The following CARS2 variants were observed in gnomAD, a reference collection of about 807,000 sequenced individuals.
The protein encoded by CARS2 is cysteinyl-tRNA synthetase 2, mitochondrial, also known as probable cysteine--tRNA ligase, mitochondrial.
CARS2 carries 52 observed loss-of-function variants against 68.8 expected under a neutral mutation model. That is an observed-to-expected ratio of 0.76 (90% CI 0.61 to 0.95). The LOEUF (loss-of-function observed/expected upper bound fraction) is 0.95, where lower values mean the gene tolerates loss of function less well. Among genes scored for constraint, CARS2 ranks in the 40% least tolerant of loss-of-function variants. CARS2 has a pLI of 0.00. For missense variants in CARS2, 780 were observed against 754.2 expected, an observed-to-expected ratio of 1.03 and a Z score of -0.40; for synonymous variants, 314 against 303.6, an observed-to-expected ratio of 1.03 and a Z score of -0.36.
chr13:110,687,548 C>T (rs771107338), intron 5 of CARS2, among the ~76,000 whole-genome samples, 173 bp downstream of exon 5: 5 of 151,632 alleles, frequency 3.3e-5, no homozygotes, highest in Non-Finnish European at 5.9e-5. Flanking sequence ...CATGGTGGCA[C>T]GCACCTTGTA....
chr13:110,687,964 C>G lies in CARS2; in HGVS notation c.448G>C (p.Asp150His). The G allele has an allele frequency of 1.2e-6, 2 of 1,612,852 alleles. No individual in the cohort carries two copies. Among genetic ancestry groups the G allele is most frequent in the African/African-American group, 2.7e-5 (2 of 74,968 alleles). Reference protein sequence around the residue: ...ASLYEEDFKQDMAALKVLPPT... With the variant: ...ASLYEEDFKQHMAALKVLPPT... ...CACTTTACCTTCAGGGCTGCCATGT[C>G]CTGCTTGAAGTCTTCCTCATAAAGA... Residue 150 changes from aspartate to histidine, a missense_variant, in exon 4 of 15, where the codon GAC (aspartate) becomes CAC (histidine). Asp to His is a moderately conservative substitution (Grantham distance 81). Coordinates refer to ENST00000257347, the MANE Select transcript of CARS2 (RefSeq NM_024537.4).
Position 110,665,647 on chromosome 13 carries a change from G to C in CARS2, c.919+1693C>G, listed in dbSNP as rs2062627802. ...TAACAAACCCTGACCTACTGAACAG[G>C]ATAAACCTGCAGACAGAAACGTGCC... On this transcript the variant is annotated intron_variant, in intron 8 of 14. Coordinates refer to ENST00000257347, the MANE Select transcript of CARS2 (RefSeq NM_024537.4). The surrounding 1 kb of genome is among the most constrained non-coding windows in gnomAD (Gnocchi z 4.3). 2 of 985,412 alleles carry C rather than the reference G, an allele frequency of 2.0e-6. No individual in the cohort carries two copies. The highest frequency in any genetic ancestry group is 1.2e-6 in the Non-Finnish European group (1 of 829,968). 61.0% of individuals were successfully genotyped at this position (985,412 alleles called of 1,614,324 possible).
intron 7 of CARS2, among the ~76,000 whole-genome samples, chr13:110,675,871 G>A (rs188010511): frequency 5.3e-5 from 8 of 152,266 alleles, no homozygotes; most frequent in Middle Eastern, 3.4e-3. Context: ...CAAACTAACC[G>A]TGGGCCAGGC....
intron 9 of CARS2, among the ~76,000 whole-genome samples, chr13:110,657,270 C>T (rs2986090): frequency 0.28 from 43,030 of 152,174 alleles, 6,788 homozygotes; most frequent in African/African-American, 0.39. Flanking sequence ...TTATCTCCCT[C>T]TCCCCTAGCT....
At chr13:110,711,725 TAA>T (rs530025249) in intron 1 of CARS2, among the ~76,000 whole-genome samples, 152 of 152,330 alleles carry the variant, frequency 1.0e-3, no homozygotes, top group African/African-American at 3.4e-3. Flanking sequence ...CTTCAAAGTG[TAA>T]AGAGTATCCA....
chr13:110,643,969 G>A (rs1887749893), intron 13 of CARS2: 6 of 463,714 alleles, frequency 1.3e-5, no homozygotes, highest in South Asian at 4.1e-5. Flanking sequence ...CGTGCCTGTC[G>A]GGGAGCCCGT....
rs578197007 is a variant in CARS2 at position 110,690,033 on chromosome 13, C to T, written c.394-2015G>A. Among the ~76,000 whole-genome samples the T allele has an allele frequency of 3.3e-5, 5 of 152,204 alleles. No homozygotes were observed. In the East Asian group the frequency reaches 5.8e-4, roughly 18 times the overall value. Reference sequence around the variant, plus strand: ...CATGAGGTCAGGAGATCTAGACCATCCTGGCTAACATGGTGAAACCCCGTT... The same window carrying T: ...CATGAGGTCAGGAGATCTAGACCATTCTGGCTAACATGGTGAAACCCCGTT... On this transcript the variant is annotated intron_variant, in intron 3 of 14. Transcript: ENST00000257347.
chr13:110,646,539 A>T (rs756506119), intron 11 of CARS2: 8 of 167,716 alleles, frequency 4.8e-5, no homozygotes, highest in Non-Finnish European at 8.9e-5. Flanking sequence ...TATCACCAAG[A>T]CCATCCGGAA....
At chr13:110,712,844 C>T (rs1232659421) in intron 1 of CARS2, 5 of 1,065,522 alleles carry the variant, frequency 4.7e-6, no homozygotes, top group African/African-American at 4.7e-5. Context: ...AAGCAGCTTC[C>T]CTCTCAGGCC....
intron 1 of CARS2, chr13:110,712,204 C>T (rs1239845129): frequency 6.6e-6 from 1 of 152,578 alleles, no homozygotes; most frequent in Non-Finnish European, 1.5e-5. Flanking sequence ...GGGCTTAGTT[C>T]GTGGAATACA....
chr13:110,696,813 C>G (rs1203817288), intron 3 of CARS2, among the ~76,000 whole-genome samples: 1 of 152,218 alleles, frequency 6.6e-6, no homozygotes, highest in Admixed American at 6.5e-5. Context: ...TTGCTTCTTC[C>G]TCCCTTTACC....
chr13:110,649,469 TA>T (rs11361445), intron 10 of CARS2, among the ~76,000 whole-genome samples: 65,090 of 151,952 alleles, frequency 0.43, 15,085 homozygotes, highest in African/African-American at 0.6. Flanking sequence ...GGGAGATGGA[TA>T]GGGGACCAGC....
chr13:110,668,357 C>T lies in CARS2; in HGVS notation c.786-884G>A, dbSNP rs2062706845. 6.6e-6 allele frequency among the ~76,000 whole-genome samples: 1 copy of T among 152,088 alleles called. No individual in the cohort carries two copies. Among genetic ancestry groups the T allele is most frequent in the Non-Finnish European group, 1.5e-5 (1 of 68,012 alleles). ...AGGAGATCGAGACCATCCTGGCTAA[C>T]ATGGTGAAACCCCGTCTCCACTAAA... On this transcript the variant is annotated intron_variant, in intron 7 of 14. Transcript: ENST00000257347. The surrounding 1 kb of genome is among the most constrained non-coding windows in gnomAD (Gnocchi z 4.1).
At chr13:110,682,706 C>T (rs2063191070) in intron 6 of CARS2, among the ~76,000 whole-genome samples, 1 of 152,150 alleles carries the variant, frequency 6.6e-6, no homozygotes, top group Non-Finnish European at 1.5e-5. Flanking sequence ...ATTAAATGTA[C>T]GGTAACACAG....
intron 7 of CARS2, among the ~76,000 whole-genome samples, chr13:110,673,362 C>A (rs1251199826): frequency 1.3e-5 from 2 of 152,220 alleles, no homozygotes; most frequent in African/African-American, 4.8e-5. Context: ...AGCTTATCCA[C>A]CACGATCAAG....
chr13:110,656,521 C>T (rs1012104678), intron 9 of CARS2, among the ~76,000 whole-genome samples: 3 of 152,068 alleles, frequency 2.0e-5, no homozygotes, highest in African/African-American at 2.4e-5. Flanking sequence ...GAGCGGCTGT[C>T]GGGGCTGGGA....
chr13:110,679,984 A>G (rs1415459426), intron 6 of CARS2, among the ~76,000 whole-genome samples: 1 of 152,138 alleles, frequency 6.6e-6, no homozygotes, highest in Non-Finnish European at 1.5e-5. Context: ...ATGGAAGCCA[A>G]CTCCTTGTTC....
At chr13:110,675,643 A>G (rs560286975) in intron 7 of CARS2, among the ~76,000 whole-genome samples, 20 of 152,314 alleles carry the variant, frequency 1.3e-4, no homozygotes, top group African/African-American at 4.6e-4. Flanking sequence ...CCAACATGGC[A>G]CATGTATACA....
chr13:110,703,166 A>G (rs1437538511), intron 2 of CARS2, among the ~76,000 whole-genome samples: 1 of 151,978 alleles, frequency 6.6e-6, no homozygotes, highest in Non-Finnish European at 1.5e-5. Flanking sequence ...GGTGGAGGCT[A>G]TTTTTCAGGG....
Sources: allele counts gnomAD v4.1 joint callset (sites outside exome capture counted in the v4.1 genomes callset), GRCh38; gene constraint gnomAD v4.1.1; non-coding constraint Gnocchi (gnomAD v3.1); transcripts MANE v1.5; gene names NCBI Gene and HGNC (gene_info 2026-07-23, HGNC 2026-07-21).